SLAMF1: variants seen among roughly 807,000 people sequenced by gnomAD.
The protein encoded by SLAMF1 is signaling lymphocytic activation molecule family member 1, also known as signaling lymphocytic activation molecule.
In SLAMF1, 18 loss-of-function variants were observed where a neutral mutation model predicts 35.1. The ratio of observed to expected loss-of-function variants is 0.51; its 90% CI spans 0.35 to 0.76. The LOEUF (loss-of-function observed/expected upper bound fraction) is 0.76. Ranked by LOEUF, SLAMF1 falls within the 30% of genes least tolerant of loss-of-function variation. The probability of loss-of-function intolerance (pLI) is 0.01; values close to 1 mark genes in which losing one functional copy is unlikely to be tolerated. For synonymous variants in SLAMF1, 168 were observed against 157.2 expected (o/e 1.07, Z -0.51); for missense variants, 392 against 413.0 (o/e 0.95, Z 0.44).
chr1:160,645,682 G>A (rs994640225), intron 1 of SLAMF1, among the ~76,000 whole-genome samples: 14 of 152,288 alleles, frequency 9.2e-5, no homozygotes, highest in African/African-American at 1.2e-4. Context: ...AAAGTGGCTC[G>A]ATTTGGTTTT....
chr1:160,646,479 A>G (rs1457810151), intron 1 of SLAMF1, among the ~76,000 whole-genome samples: 1 of 152,144 alleles, frequency 6.6e-6, no homozygotes, highest in Non-Finnish European at 1.5e-5. Flanking sequence ...ATGTAGGGCA[A>G]ATCTTCTCCC....
At chr1:160,619,724 G>A (rs1358206043) in intron 5 of SLAMF1, 52 bp downstream of exon 5, 2 of 1,162,886 alleles carry the variant, frequency 1.7e-6, no homozygotes, top group Non-Finnish European at 2.6e-6. Flanking sequence ...GACTGGCCAG[G>A]AATACTCTAG....
In SLAMF1 at chr1:160,646,991, T is replaced by TGCTCACAGATGCCAGGCAGAA. The variant is rs1661076513; in HGVS notation, c.-67_-47dup. ...GGGATCCTGGCCGGAGCCTGGCAGC[T>TGCTCACAGATGCCAGGCAGAA]GCTCACAGATGCCAGGCAGAAGCAA... On this transcript the variant is annotated 5_prime_UTR_variant, in exon 1 of 7. Coordinates refer to ENST00000302035, the MANE Select transcript of SLAMF1 (RefSeq NM_003037.5). 1 of 958,200 alleles carries TGCTCACAGATGCCAGGCAGAA rather than the reference T, an allele frequency of 1.0e-6. No homozygotes were observed. The highest frequency in any genetic ancestry group is 1.3e-5 in the South Asian group (1 of 75,800). 59.4% of individuals were successfully genotyped at this position (958,200 alleles called of 1,614,324 possible). A position where few individuals can be genotyped will look rare whatever the true frequency, so the allele number is the denominator to read the frequency against.
intron 4 of SLAMF1, among the ~76,000 whole-genome samples, chr1:160,620,581 GAAGA>G (rs1267404367): frequency 6.6e-6 from 1 of 152,118 alleles, no homozygotes; most frequent in African/African-American, 2.4e-5. Context: ...TAAAAATTGT[GAAGA>G]AATATATAAA....
intron 3 of SLAMF1, among the ~76,000 whole-genome samples, chr1:160,626,791 C>T (rs151117645): frequency 6.6e-6 from 1 of 152,102 alleles, no homozygotes; most frequent in Non-Finnish European, 1.5e-5. Flanking sequence ...CTCTGAGCAG[C>T]CAACCCATCC....
intron 2 of SLAMF1, among the ~76,000 whole-genome samples, chr1:160,635,697 G>A (rs533361509): frequency 8.0e-5 from 12 of 150,108 alleles, no homozygotes; most frequent in East Asian, 3.9e-4. Context: ...TCAGCCTCCC[G>A]AGTAGCTGGG....
Position 160,642,457 on chromosome 1 carries a change from G to T in SLAMF1, c.76+4413C>A, listed in dbSNP as rs533987002. 6.6e-6 allele frequency among the ~76,000 whole-genome samples: 1 copy of T among 152,090 alleles called. No individual in the cohort carries two copies. The highest frequency in any genetic ancestry group is 1.5e-5 in the Non-Finnish European group (1 of 68,030). On this transcript the variant is annotated intron_variant, in intron 1 of 6. Transcript: ENST00000302035. The surrounding 1 kb of genome is among the most constrained non-coding windows in gnomAD (Gnocchi z 4.2). ...CGCACTCCTTCATATCATTCATCAC[G>T]TGTTCAACTCTGGTTCAATGCCTGT... is the stretch of plus-strand genomic sequence containing the variant.
chr1:160,642,533 T>C lies in SLAMF1; in HGVS notation c.76+4337A>G, dbSNP rs1476002388. Among the ~76,000 whole-genome samples, 1 of 152,194 alleles carries C rather than the reference T, an allele frequency of 6.6e-6. No individual in the cohort carries two copies. The highest frequency in any genetic ancestry group is 2.4e-5 in the African/African-American group (1 of 41,450). On this transcript the variant is annotated intron_variant, in intron 1 of 6. Transcript: ENST00000302035. The surrounding 1 kb of genome is among the most constrained non-coding windows in gnomAD (Gnocchi z 4.2). ...AGAGTAGGGACTGTGTCTGTTTTAT[T>C]CACTACAGTATCCCTAACACCCACC...
Position 160,622,471 on chromosome 1 carries a change from A to G in SLAMF1, c.790+1625T>C, listed in dbSNP as rs184934725. Among the ~76,000 whole-genome samples the G allele has an allele frequency of 3.3e-5, 5 of 152,300 alleles. 1 individual carries two copies. The East Asian group carries it at 9.6e-4, about 29-fold the overall frequency. Reference sequence around the variant, plus strand: ...AAAATATTTTCAATCTGTTCTAGGTATTGTTTCCAGATGCTTCCAGTGCAG... The same window carrying G: ...AAAATATTTTCAATCTGTTCTAGGTGTTGTTTCCAGATGCTTCCAGTGCAG... On this transcript the variant is annotated intron_variant, in intron 4 of 6. Transcript: ENST00000302035.
chr1:160,638,245 C>T (rs1660556604), intron 1 of SLAMF1, among the ~76,000 whole-genome samples: 1 of 152,116 alleles, frequency 6.6e-6, no homozygotes, highest in Non-Finnish European at 1.5e-5. Context: ...AACCCACAAC[C>T]TGCCTTTCCC....
intron 1 of SLAMF1, among the ~76,000 whole-genome samples, chr1:160,641,922 G>A (rs960922693): frequency 6.6e-6 from 1 of 152,192 alleles, no homozygotes; most frequent in African/African-American, 2.4e-5. Flanking sequence ...CGAAAAATGA[G>A]TGATTCACAT....
rs1175911380 is a variant in SLAMF1 at position 160,637,438 on chromosome 1, C to A, written c.168G>T (p.Met56Ile). The A allele has an allele frequency of 6.2e-6, 10 of 1,614,022 alleles. No homozygotes were observed. In the South Asian group the frequency reaches 1.1e-4, roughly 18 times the overall value. ...TGACGACAATGTGGATGCTTTTGTT[C>A]ATGCTCTTATTTATCCTTTCATATG... is the stretch of plus-strand genomic sequence containing the variant. ...PLTYERINKSMNKSIHIVVTM... is the reference protein window; with the variant it reads ...PLTYERINKSINKSIHIVVTM... The change falls in exon 2 of 7, where the codon ATG becomes ATT. Residue 56 changes from methionine (M) to isoleucine (I), a missense_variant. Coordinates refer to ENST00000302035, the MANE Select transcript of SLAMF1 (RefSeq NM_003037.5).
chr1:160,614,432 G>A lies in SLAMF1; in HGVS notation c.865-1852C>T, dbSNP rs187759759. ...CTACTAAAAATACAAAAATTAGCCA[G>A]GAATGATGGTGCATGCCCGTAATCC... On this transcript the variant is annotated intron_variant, in intron 5 of 6. Coordinates refer to ENST00000302035, the MANE Select transcript of SLAMF1 (RefSeq NM_003037.5). Among the ~76,000 whole-genome samples, 36 of 152,246 alleles carry A rather than the reference G, an allele frequency of 2.4e-4. No homozygotes were observed. In the East Asian group the frequency reaches 4.4e-3, roughly 19 times the overall value.
intron 1 of SLAMF1, among the ~76,000 whole-genome samples, chr1:160,645,144 C>T (rs942043073): frequency 6.6e-6 from 1 of 152,120 alleles, no homozygotes; most frequent in Non-Finnish European, 1.5e-5. Context: ...GACATGTGGA[C>T]TTTTTGATTT....
chr1:160,633,047 T>C (rs966232867), intron 3 of SLAMF1, among the ~76,000 whole-genome samples: 1 of 152,218 alleles, frequency 6.6e-6, no homozygotes, highest in Non-Finnish European at 1.5e-5. Flanking sequence ...TGCTGTTATT[T>C]AGAGATGAAG....
At chr1:160,644,908 T>C (rs1450381925) in intron 1 of SLAMF1, among the ~76,000 whole-genome samples, 4 of 151,788 alleles carry the variant, frequency 2.6e-5, no homozygotes, top group Admixed American at 2.6e-4. Context: ...CATGGAGGAA[T>C]AAAAAAAACT....
Position 160,647,021 on chromosome 1 carries a change from C to T in SLAMF1, c.-76G>A, listed in dbSNP as rs999052804. On this transcript the variant is annotated 5_prime_UTR_variant, in exon 1 of 7. Coordinates refer to ENST00000302035, the MANE Select transcript of SLAMF1 (RefSeq NM_003037.5). ...ACAGATGCCAGGCAGAAGCAAGCTTCGTGTCATGCAGCAGAGGCTGTCTGA... is the reference window on the plus strand; with the variant it reads ...ACAGATGCCAGGCAGAAGCAAGCTTTGTGTCATGCAGCAGAGGCTGTCTGA... 7 of 772,146 alleles carry T rather than the reference C, an allele frequency of 9.1e-6. No individual in the cohort carries two copies. Among genetic ancestry groups the T allele is most frequent in the East Asian group, 2.6e-5 (1 of 38,534 alleles). 47.8% of individuals were successfully genotyped at this position (772,146 alleles called of 1,614,324 possible). A position where few individuals can be genotyped will look rare whatever the true frequency, so the allele number is the denominator to read the frequency against.
chr1:160,634,711 T>C lies in SLAMF1; in HGVS notation c.602A>G (p.Gln201Arg). The change falls in exon 3 of 7, where the codon CAG becomes CGG. Residue 201 changes from glutamine (Q) to arginine (R), a missense_variant. Coordinates refer to ENST00000302035, the MANE Select transcript of SLAMF1 (RefSeq NM_003037.5). ...GCAGATGTAGATATTGTCAGCATGCTGGGGGCCGAGGGTGAGGGACAGGAG... is the reference window on the plus strand; with the variant it reads ...GCAGATGTAGATATTGTCAGCATGCCGGGGGCCGAGGGTGAGGGACAGGAG... ...SHLLSLTLGP[Q>R]HADNIYICTV... The C allele has an allele frequency of 6.2e-7, 1 of 1,614,068 alleles. No individual in the cohort carries two copies. Among genetic ancestry groups the C allele is most frequent in the Non-Finnish European group, 8.5e-7 (1 of 1,179,990 alleles).
chr1:160,622,848 C>T (rs941758466), intron 4 of SLAMF1, among the ~76,000 whole-genome samples: 3 of 152,222 alleles, frequency 2.0e-5, no homozygotes, highest in Non-Finnish European at 4.4e-5. Flanking sequence ...ATTGAAAAGC[C>T]TTCAGCGTCA....
Sources: allele counts gnomAD v4.1 joint callset (sites outside exome capture counted in the v4.1 genomes callset), GRCh38; gene constraint gnomAD v4.1.1; non-coding constraint Gnocchi (gnomAD v3.1); transcripts MANE v1.5; gene names NCBI Gene and HGNC (gene_info 2026-07-23, HGNC 2026-07-21).